KCNK13: variants seen among roughly 807,000 people sequenced by gnomAD.
KCNK13 encodes the protein potassium two pore domain channel subfamily K member 13.
Under a neutral mutation model 23.4 loss-of-function variants are expected in KCNK13, and 12 were observed. The observed-to-expected ratio is 0.51, with a 90% CI of 0.33 to 0.83. The LOEUF is 0.83. Ranked by LOEUF, KCNK13 falls within the 40% of genes least tolerant of loss-of-function variation. KCNK13 has a pLI of 0.02. For synonymous variants in KCNK13, 231 were observed against 229.5 expected, an observed-to-expected ratio of 1.01 and a Z score of -0.06; for missense variants, 463 against 556.3, an observed-to-expected ratio of 0.83 and a Z score of 1.69.
chr14:90,067,448 G>T lies in KCNK13; in HGVS notation c.334+4909G>T, dbSNP rs143883777. On this transcript the variant is annotated intron_variant, in intron 1 of 1. Transcript: ENST00000282146. ...TAAATTAAAATACAGGTTACCAGGG[G>T]CTGAGGGACGGCCAGAAGTGGGAGT... Among the ~76,000 whole-genome samples the T allele has an allele frequency of 3.6e-3, 550 of 152,290 alleles. 5 individuals carry two copies. The highest frequency in any genetic ancestry group is 0.013 in the African/African-American group (528 of 41,538).
At chr14:90,174,482 C>G (rs566855791) in intron 1 of KCNK13, among the ~76,000 whole-genome samples, 107 of 152,256 alleles carry the variant, frequency 7.0e-4, no homozygotes, top group African/African-American at 2.5e-3. Flanking sequence ...GGTGGGGACT[C>G]AGAGCCAAAC....
intron 1 of KCNK13, among the ~76,000 whole-genome samples, chr14:90,090,444 G>A (rs911357986): frequency 6.6e-6 from 1 of 152,228 alleles, no homozygotes; most frequent in African/African-American, 2.4e-5. Flanking sequence ...TATTTAGGAA[G>A]TAACTAACTT....
intron 1 of KCNK13, among the ~76,000 whole-genome samples, chr14:90,077,470 T>G (rs1467957705): frequency 1.3e-5 from 2 of 152,204 alleles, no homozygotes; most frequent in African/African-American, 4.8e-5. Context: ...GTTCAGAGAA[T>G]CCCTGCATTT....
intron 1 of KCNK13, among the ~76,000 whole-genome samples, chr14:90,075,212 A>T (rs1272176937): frequency 2.6e-5 from 4 of 152,188 alleles, no homozygotes; most frequent in African/African-American, 9.7e-5. Flanking sequence ...ATGAAATCAT[A>T]TCTAAACTAT....
chr14:90,064,001 A>C (rs767770190), intron 1 of KCNK13, among the ~76,000 whole-genome samples: 1 of 152,194 alleles, frequency 6.6e-6, no homozygotes, highest in African/African-American at 2.4e-5. Context: ...ACCTTGCAGC[A>C]GACCAGAATG....
chr14:90,107,939 A>G, intron 1 of KCNK13: 8 of 743,142 alleles, frequency 1.1e-5, no homozygotes, highest in East Asian at 5.3e-5. Context: ...TCTAGTCACT[A>G]TGCAATAGAG....
intron 1 of KCNK13, among the ~76,000 whole-genome samples, chr14:90,138,557 T>C (rs1889965221): frequency 6.6e-6 from 1 of 152,190 alleles, no homozygotes; most frequent in Non-Finnish European, 1.5e-5. Flanking sequence ...ATATCAGCAT[T>C]CCCTATTTAC....
Position 90,178,943 on chromosome 14 carries a change from T to C in KCNK13, c.335-5168T>C, listed in dbSNP as rs1359822204. The stretch of plus-strand genomic sequence containing the variant: ...ATGAATGAAAGAGGCTGAAGAGCTC[T>C]GCTAAATGTGGGTGCAGCCTGTTGG... On this transcript the variant is annotated intron_variant, in intron 1 of 1. Coordinates refer to ENST00000282146, the MANE Select transcript of KCNK13 (RefSeq NM_022054.4). Among the ~76,000 whole-genome samples, 5 of 152,230 alleles carry C rather than the reference T, an allele frequency of 3.3e-5. No individual in the cohort carries two copies. In the East Asian group the frequency reaches 9.6e-4, roughly 29 times the overall value.
At chr14:90,153,512 C>T (rs8016359) in intron 1 of KCNK13, among the ~76,000 whole-genome samples, 9,889 of 152,234 alleles carry the variant, frequency 0.065, 414 homozygotes, top group South Asian at 0.21. Flanking sequence ...TTATCATCAC[C>T]ATAGTTTACT....
chr14:90,139,164 CATAA>C (rs1288413252), intron 1 of KCNK13, among the ~76,000 whole-genome samples: 1 of 152,162 alleles, frequency 6.6e-6, no homozygotes, highest in Non-Finnish European at 1.5e-5. Context: ...TCATAAATTG[CATAA>C]ATACATGAGA....
intron 1 of KCNK13, among the ~76,000 whole-genome samples, chr14:90,103,679 C>T (rs1396794051): frequency 1.3e-5 from 2 of 152,184 alleles, no homozygotes; most frequent in Non-Finnish European, 2.9e-5. Flanking sequence ...TCTCCTGCCT[C>T]AGCCTCCCGA....
intron 1 of KCNK13, among the ~76,000 whole-genome samples, chr14:90,076,403 G>A (rs1350103526): frequency 1.3e-5 from 2 of 152,170 alleles, no homozygotes; most frequent in African/African-American, 4.8e-5. Context: ...GAAATTGTAA[G>A]CACTATCAAG....
intron 1 of KCNK13, among the ~76,000 whole-genome samples, chr14:90,093,097 G>C (rs768783516): frequency 6.6e-6 from 1 of 152,036 alleles, no homozygotes; most frequent in Non-Finnish European, 1.5e-5. Flanking sequence ...ACTGCACTAA[G>C]TGCTAGTGTA....
chr14:90,150,001 A>C lies in KCNK13; in HGVS notation c.335-34110A>C, dbSNP rs1357165069. The stretch of plus-strand genomic sequence containing the variant: ...AGGTGAGACAGTAAAGTGAACCAGC[A>C]ATTACAGTACAGAGCTATGGCTACC... On this transcript the variant is annotated intron_variant, in intron 1 of 1. Coordinates refer to ENST00000282146, the MANE Select transcript of KCNK13 (RefSeq NM_022054.4). 3.3e-5 allele frequency among the ~76,000 whole-genome samples: 5 copies of C among 151,002 alleles called. No individual in the cohort carries two copies. The East Asian group carries it at 9.8e-4, about 29-fold the overall frequency.
At position 90,185,020 on chromosome 14, in the gene KCNK13, C is replaced by T. The variant is rs996875261; in HGVS notation, c.*17C>T. Reference sequence around the variant, plus strand: ...GACAGGTAGAAGCCAGGAGTGGATGCTGGGCAGAGGCCAGAGTAGAATGGA... The same window carrying T: ...GACAGGTAGAAGCCAGGAGTGGATGTTGGGCAGAGGCCAGAGTAGAATGGA... On this transcript the variant is annotated 3_prime_UTR_variant, in exon 2 of 2. Transcript: ENST00000282146. 7 of 1,550,996 alleles carry T rather than the reference C, an allele frequency of 4.5e-6. No homozygotes were observed. Among genetic ancestry groups the T allele is most frequent in the Non-Finnish European group, 6.1e-6 (7 of 1,150,492 alleles).
intron 1 of KCNK13, among the ~76,000 whole-genome samples, chr14:90,163,239 T>C (rs1596806246): frequency 6.6e-6 from 1 of 152,084 alleles, no homozygotes; most frequent in African/African-American, 2.4e-5. Flanking sequence ...CAGATGCAGG[T>C]AGGAGAGAAA....
chr14:90,147,070 T>C (rs992637775), intron 1 of KCNK13, among the ~76,000 whole-genome samples: 4 of 152,196 alleles, frequency 2.6e-5, no homozygotes, highest in Non-Finnish European at 5.9e-5. Flanking sequence ...TCACATATAA[T>C]ACAAGTATCT....
intron 1 of KCNK13, among the ~76,000 whole-genome samples, chr14:90,170,646 AT>A (rs1890354746): frequency 6.6e-6 from 1 of 152,122 alleles, no homozygotes; most frequent in Non-Finnish European, 1.5e-5. Context: ...GAAGTATACA[AT>A]TTTCCTGTAA....
chr14:90,129,541 C>T (rs1041999826), intron 1 of KCNK13, among the ~76,000 whole-genome samples: 5 of 152,124 alleles, frequency 3.3e-5, no homozygotes, highest in South Asian at 2.1e-4. Flanking sequence ...TTGGGAACCA[C>T]GGTCTAAGGT....
Sources: allele counts gnomAD v4.1 joint callset (sites outside exome capture counted in the v4.1 genomes callset), GRCh38; gene constraint gnomAD v4.1.1; transcripts MANE v1.5; gene names NCBI Gene and HGNC (gene_info 2026-07-23, HGNC 2026-07-21).